Variants in LHFPL2 observed in about 807,000 individuals in gnomAD.
The protein encoded by LHFPL2 is LHFPL tetraspan subfamily member 2 protein.
A neutral mutation model predicts 17.5 loss-of-function variants in LHFPL2; 7 were observed. The observed-to-expected ratio is 0.40, with a 90% CI of 0.23 to 0.75. The LOEUF (loss-of-function observed/expected upper bound fraction) is 0.75, where lower values mean the gene tolerates loss of function less well. Among genes scored for constraint, LHFPL2 ranks in the 30% least tolerant of loss-of-function variants. The pLI is 0.37. For missense variants in LHFPL2, 241 were observed against 294.8 expected, an observed-to-expected ratio of 0.82 and a Z score of 1.34; for synonymous variants, 134 against 116.2, an observed-to-expected ratio of 1.15 and a Z score of -0.99.
intron 4 of LHFPL2, among the ~76,000 whole-genome samples, chr5:78,508,767 CTTCA>C (rs1755013171): frequency 6.6e-6 from 1 of 152,174 alleles, no homozygotes; most frequent in African/African-American, 2.4e-5. Flanking sequence ...CACCTGTGCC[CTTCA>C]TTTAGTGTTG....
intron 2 of LHFPL2, among the ~76,000 whole-genome samples, chr5:78,577,951 A>T (rs1346049624): frequency 1.3e-5 from 2 of 152,182 alleles, no homozygotes; most frequent in Non-Finnish European, 1.5e-5. Context: ...ATGAAACTCG[A>T]AAGAGATGTT....
chr5:78,538,293 A>C (rs886173567), intron 3 of LHFPL2, among the ~76,000 whole-genome samples: 2 of 152,228 alleles, frequency 1.3e-5, no homozygotes, highest in South Asian at 4.1e-4. Flanking sequence ...ACTTCTCCAA[A>C]GATTTCAAAC....
intron 2 of LHFPL2, among the ~76,000 whole-genome samples, chr5:78,569,549 G>A (rs1372681444): frequency 6.6e-6 from 1 of 152,184 alleles, no homozygotes; most frequent in Non-Finnish European, 1.5e-5. Context: ...AATTGTGTCT[G>A]ACAACAGGAG....
intron 2 of LHFPL2, among the ~76,000 whole-genome samples, chr5:78,620,969 CTTTT>C (rs34853039): frequency 1.4e-5 from 2 of 141,670 alleles, no homozygotes; most frequent in African/African-American, 2.6e-5. Flanking sequence ...TCTCAAACTC[CTTTT>C]TTTTTTTTTT....
intron 1 of LHFPL2, among the ~76,000 whole-genome samples, chr5:78,641,342 G>A (rs1193009151): frequency 2.0e-5 from 3 of 152,320 alleles, no homozygotes; most frequent in Middle Eastern, 3.4e-3. Context: ...ACCTGGTTAC[G>A]TCTAGTTGAA....
At chr5:78,555,862 T>C (rs1358199509) in intron 3 of LHFPL2, among the ~76,000 whole-genome samples, 1 of 152,172 alleles carries the variant, frequency 6.6e-6, no homozygotes, top group East Asian at 1.9e-4. Context: ...GTCAGCCAGG[T>C]AGACTGAGAA....
chr5:78,584,625 G>A (rs915278983), intron 2 of LHFPL2, among the ~76,000 whole-genome samples: 6 of 152,164 alleles, frequency 3.9e-5, no homozygotes, highest in Admixed American at 3.3e-4. Context: ...CCCACTTGAG[G>A]AGGCAGTCTG....
At chr5:78,607,405 G>A (rs988387437) in intron 2 of LHFPL2, among the ~76,000 whole-genome samples, 2 of 152,128 alleles carry the variant, frequency 1.3e-5, no homozygotes. Context: ...GAGCCACCAC[G>A]CCCAGCCAAT....
intron 3 of LHFPL2, among the ~76,000 whole-genome samples, chr5:78,527,035 C>G (rs1755640462): frequency 6.6e-6 from 1 of 152,228 alleles, no homozygotes; most frequent in Non-Finnish European, 1.5e-5. Context: ...CTAAACTATT[C>G]TGAGAAACTC....
intron 2 of LHFPL2, among the ~76,000 whole-genome samples, chr5:78,585,880 C>G (rs914224836): frequency 6.6e-6 from 1 of 152,136 alleles, no homozygotes; most frequent in African/African-American, 2.4e-5. Flanking sequence ...CATAAAGGAG[C>G]CTGCCCGAGG....
At chr5:78,545,339 C>A (rs1393637039) in intron 3 of LHFPL2, among the ~76,000 whole-genome samples, 1 of 152,180 alleles carries the variant, frequency 6.6e-6, no homozygotes, top group Admixed American at 6.5e-5. Context: ...AGTAGGATTT[C>A]TCTGTGAAGA....
intron 3 of LHFPL2, among the ~76,000 whole-genome samples, chr5:78,550,683 G>T (rs893687474): frequency 2.6e-5 from 4 of 152,084 alleles, no homozygotes; most frequent in Admixed American, 6.5e-5. Context: ...AAATTCTCTT[G>T]CCTCAGCCCC....
At chr5:78,522,503 C>T (rs1580771974) in intron 3 of LHFPL2, among the ~76,000 whole-genome samples, 1 of 152,294 alleles carries the variant, frequency 6.6e-6, no homozygotes, top group East Asian at 1.9e-4. Flanking sequence ...AAAGAATTCA[C>T]GTTAATATAC....
intron 3 of LHFPL2, among the ~76,000 whole-genome samples, chr5:78,520,831 C>CT (rs1755435065): frequency 6.6e-6 from 1 of 152,130 alleles, no homozygotes; most frequent in Admixed American, 6.5e-5. Context: ...CAAATGAGGC[C>CT]CCCCTGCCCC....
intron 3 of LHFPL2, among the ~76,000 whole-genome samples, chr5:78,519,181 G>C (rs2362838): frequency 0.41 from 62,814 of 151,742 alleles, 13,452 homozygotes; most frequent in African/African-American, 0.51. Flanking sequence ...CGAGGCAAGA[G>C]AGCCTGGGGG....
At chr5:78,561,496 C>T (rs896669227) in intron 3 of LHFPL2, among the ~76,000 whole-genome samples, 3 of 152,216 alleles carry the variant, frequency 2.0e-5, no homozygotes, top group East Asian at 1.9e-4. Context: ...GTGCTGCGTT[C>T]GCCCATGAGG....
chr5:78,559,699 A>G (rs544749977), intron 3 of LHFPL2, among the ~76,000 whole-genome samples: 2 of 152,268 alleles, frequency 1.3e-5, no homozygotes, highest in Admixed American at 1.3e-4. Flanking sequence ...TTTACCATCG[A>G]GTAAAGGGAG....
intron 1 of LHFPL2, among the ~76,000 whole-genome samples, chr5:78,647,512 T>A (rs774170617): frequency 1.3e-5 from 2 of 152,150 alleles, no homozygotes; most frequent in Non-Finnish European, 2.9e-5. Flanking sequence ...ACACTTTCCA[T>A]AGCGGCCGCG....
Position 78,648,207 on chromosome 5 carries a change from G to A in LHFPL2, c.-350+292C>T, listed in dbSNP as rs1309426483. 1.3e-5 allele frequency among the ~76,000 whole-genome samples: 2 copies of A among 152,140 alleles called. No homozygotes were observed. The highest frequency in any genetic ancestry group is 2.4e-5 in the African/African-American group (1 of 41,446). On this transcript the variant is annotated intron_variant, in intron 1 of 4. Coordinates refer to ENST00000380345, the MANE Select transcript of LHFPL2 (RefSeq NM_005779.3). The surrounding 1 kb of genome is among the most constrained non-coding windows in gnomAD (Gnocchi z 5.4). ...GCAGGGCTCGCGCCGGCTTCCCGAG[G>A]AGACGCTGTTCCCGGCACAACTTTT...
Sources: allele counts gnomAD v4.1 joint callset (sites outside exome capture counted in the v4.1 genomes callset), GRCh38; gene constraint gnomAD v4.1.1; non-coding constraint Gnocchi (gnomAD v3.1); transcripts MANE v1.5; gene names NCBI Gene and HGNC (gene_info 2026-07-23, HGNC 2026-07-21).